Variants in ECE1 observed in about 807,000 individuals in gnomAD.
ECE1 encodes endothelin converting enzyme 1.
A neutral mutation model predicts 98.6 loss-of-function variants in ECE1; 35 were observed. The observed-to-expected ratio is 0.35, with a 90% CI of 0.27 to 0.47. The LOEUF (loss-of-function observed/expected upper bound fraction) is 0.47, where lower values mean the gene tolerates loss of function less well. ECE1 is among the 20% of genes least tolerant of loss of function. The probability of loss-of-function intolerance (pLI) is 1.00; values close to 1 mark genes in which losing one functional copy is unlikely to be tolerated. For missense variants in ECE1, 814 were observed against 1,025.3 expected (o/e 0.79, Z 2.81); for synonymous variants, 394 against 407.1 (o/e 0.97, Z 0.39).
intron 1 of ECE1, among the ~76,000 whole-genome samples, chr1:21,335,179 G>A (rs1207559192): frequency 2.0e-5 from 3 of 150,358 alleles, no homozygotes; most frequent in Admixed American, 6.6e-5. Flanking sequence ...CCCCGCCCCC[G>A]TCTTTGCCCG....
intron 4 of ECE1, among the ~76,000 whole-genome samples, chr1:21,269,210 G>T (rs2098237495): frequency 6.6e-6 from 1 of 152,154 alleles, no homozygotes; most frequent in South Asian, 2.1e-4. Flanking sequence ...CACAGCTCTG[G>T]GTCTAATCCC....
chr1:21,247,241 G>A lies in ECE1; in HGVS notation c.1143C>T (p.Leu381=). 6.2e-7 allele frequency: 1 copy of A among 1,614,172 alleles called. No individual in the cohort carries two copies. The highest frequency in any genetic ancestry group is 8.5e-7 in the Non-Finnish European group (1 of 1,180,000). Residue 381 remains leucine (L), a synonymous_variant, in exon 9 of 19, where the codon CTC becomes CTT. Transcript: ENST00000374893. ...DKEYLEQIST[L]INTTDRCLLN... ...CTTACCATCTGTCGGTGGTGTTGAT[G>A]AGAGTGGAGATCTGCTCAAGGTATT...
chr1:21,288,231 G>A (rs2098262746), intron 2 of ECE1, among the ~76,000 whole-genome samples: 1 of 152,186 alleles, frequency 6.6e-6, no homozygotes, highest in Non-Finnish European at 1.5e-5. Flanking sequence ...CAACAGCGAC[G>A]TGACCCCAGG....
intron 3 of ECE1, among the ~76,000 whole-genome samples, chr1:21,275,089 C>T (rs1442421644): frequency 6.6e-6 from 1 of 152,158 alleles, no homozygotes; most frequent in Non-Finnish European, 1.5e-5. Flanking sequence ...ACACATCGAA[C>T]CACAGGAAGG....
chr1:21,227,841 G>T (rs2098176278), intron 15 of ECE1, 90 bp downstream of exon 15: 3 of 1,045,278 alleles, frequency 2.9e-6, no homozygotes, highest in African/African-American at 3.2e-5. Context: ...CTGGGGCAAA[G>T]ATCACATGGT....
upstream of ECE1, among the ~76,000 whole-genome samples, chr1:21,292,999 A>G (rs550926511): frequency 1.1e-4 from 17 of 152,308 alleles, no homozygotes; most frequent in African/African-American, 3.1e-4. Flanking sequence ...GTCGATTGCC[A>G]GAGGAAAAGA....
chr1:21,267,847 AAT>A (rs2098235835), intron 4 of ECE1, among the ~76,000 whole-genome samples: 1 of 152,350 alleles, frequency 6.6e-6, no homozygotes, highest in East Asian at 1.9e-4. Context: ...AATATGTCAA[AAT>A]AAAAATACGA....
At chr1:21,242,325 C>G (rs563602142) in intron 10 of ECE1, among the ~76,000 whole-genome samples, 17 of 152,340 alleles carry the variant, frequency 1.1e-4, no homozygotes, top group Non-Finnish European at 2.1e-4. Flanking sequence ...GATGAACAAA[C>G]GCACACACCA....
intron 1 of ECE1, among the ~76,000 whole-genome samples, chr1:21,299,986 A>G (rs536332146): frequency 1.2e-4 from 18 of 152,368 alleles, no homozygotes; most frequent in South Asian, 1.0e-3. Context: ...TAGGCACTCA[A>G]TGAGCTCATA....
At chr1:21,228,554 G>C (rs2098177429) in intron 14 of ECE1, among the ~76,000 whole-genome samples, 1 of 152,088 alleles carries the variant, frequency 6.6e-6, no homozygotes, top group South Asian at 2.1e-4. Flanking sequence ...GGGAGGCTGA[G>C]GTGGGTGGAT....
chr1:21,226,579 A>C (rs2098174511), intron 16 of ECE1, among the ~76,000 whole-genome samples: 1 of 152,174 alleles, frequency 6.6e-6, no homozygotes, highest in Non-Finnish European at 1.5e-5. Context: ...TGTACCAGGC[A>C]GTGGTGCAAT....
At chr1:21,248,996 G>A (rs991798268) in intron 8 of ECE1, among the ~76,000 whole-genome samples, 9 of 151,942 alleles carry the variant, frequency 5.9e-5, no homozygotes, top group African/African-American at 1.7e-4. Context: ...CTTTCCCCAC[G>A]GCAGCCTCCA....
At position 21,238,172 on chromosome 1, in the gene ECE1, A is replaced by C; in HGVS notation, c.1351T>G (p.Phe451Val). The C allele has an allele frequency of 6.2e-7, 1 of 1,614,252 alleles. No individual in the cohort carries two copies. Among genetic ancestry groups the C allele is most frequent in the Non-Finnish European group, 8.5e-7 (1 of 1,180,044 alleles). ...TCCTCGGCGAAGGTTGCTTTGACAA[A>C]CATGGGGCCCAACGCAAAGCCCAGG... is the stretch of plus-strand genomic sequence containing the variant. Reference protein sequence around the residue: ...NNLGFALGPMFVKATFAEDSK... With the variant: ...NNLGFALGPMVVKATFAEDSK... Residue 451 changes from phenylalanine to valine, a missense_variant, in exon 11 of 19, where the codon TTT becomes GTT. Around this residue, in one of 3 missense-constraint regions of ECE1, gnomAD observed 452 missense variants for 567.3 expected, o/e 0.80. Transcript: ENST00000374893.
intron 8 of ECE1, among the ~76,000 whole-genome samples, chr1:21,252,569 C>T (rs2098214174): frequency 6.6e-6 from 1 of 152,166 alleles, no homozygotes. Context: ...GCGTGAGGGT[C>T]CTAGAAAGGA....
intron 8 of ECE1, among the ~76,000 whole-genome samples, chr1:21,251,798 AG>A (rs1457772595): frequency 6.6e-6 from 1 of 152,188 alleles, no homozygotes; most frequent in African/African-American, 2.4e-5. Flanking sequence ...AGGGGAAAAC[AG>A]CCTCCCCTCC....
intron 4 of ECE1, among the ~76,000 whole-genome samples, chr1:21,269,805 C>T (rs1033880762): frequency 4.6e-5 from 7 of 152,152 alleles, no homozygotes; most frequent in African/African-American, 1.4e-4. Flanking sequence ...CAAGGCCACA[C>T]GAGTGATAAG....
At chr1:21,299,051 C>T (rs922419796) in intron 1 of ECE1, 3 of 359,344 alleles carry the variant, frequency 8.3e-6, no homozygotes, top group African/African-American at 4.3e-5. Flanking sequence ...AGACCAAGCG[C>T]TCTCTGACAA....
chr1:21,290,159 G>C lies in ECE1; in HGVS notation c.52-3C>G. On this transcript the variant is annotated splice_region_variant and splice_polypyrimidine_tract_variant and intron_variant, in intron 1 of 18. Transcript: ENST00000374893. The surrounding 1 kb of genome is among the most constrained non-coding windows in gnomAD (Gnocchi z 7.3). The stretch of plus-strand genomic sequence containing the variant: ...GTGGCCCGCTTGTACGTCGACATCT[G>C]CAAGGCCAAATGCAGCACGGACTCC... 6.4e-7 allele frequency: 1 copy of C among 1,563,924 alleles called. No individual in the cohort carries two copies. Among genetic ancestry groups the C allele is most frequent in the Non-Finnish European group, 8.6e-7 (1 of 1,157,584 alleles).
chr1:21,316,241 C>T (rs545444342), intron 1 of ECE1, among the ~76,000 whole-genome samples: 10 of 152,170 alleles, frequency 6.6e-5, no homozygotes, highest in African/African-American at 1.4e-4. Flanking sequence ...CCCATGATGC[C>T]GTGGGTTTAT....
Sources: gnomAD v4.1 joint callset for allele counts (sites outside exome capture counted in the v4.1 genomes callset) on GRCh38, gnomAD v4.1.1 for gene constraint, gnomAD v4.1.1 regional missense constraint, Gnocchi (gnomAD v3.1) non-coding constraint, MANE v1.5 for transcripts, NCBI Gene and HGNC (gene_info 2026-07-23, HGNC 2026-07-21) for gene names.